The following SH3TC1 variants were observed in gnomAD, a reference collection of about 807,000 sequenced individuals.
SH3TC1 encodes SH3 domain and tetratricopeptide repeats 1.
Under a neutral mutation model 117.3 loss-of-function variants are expected in SH3TC1, and 135 were observed. That is an observed-to-expected ratio of 1.15 (90% CI 1.00 to 1.33). SH3TC1 has a LOEUF of 1.33. SH3TC1 is among the 40% of genes most tolerant of loss of function. The probability of loss-of-function intolerance (pLI) is 0.00; values close to 1 mark genes in which losing one functional copy is unlikely to be tolerated. For missense variants in SH3TC1, 2,092 were observed against 1,794.3 expected (o/e 1.17, Z -3.00); for synonymous variants, 898 against 816.9 (o/e 1.10, Z -1.69).
At chr4:8,215,666 G>T (rs981354120) in intron 5 of SH3TC1, among the ~76,000 whole-genome samples, 174 of 152,308 alleles carry the variant, frequency 1.1e-3, no homozygotes, top group African/African-American at 4.1e-3. Flanking sequence ...AGACGAGAGG[G>T]GGGAGCTCGC....
upstream of SH3TC1, among the ~76,000 whole-genome samples, chr4:8,199,023 T>C (rs1717663071): frequency 6.6e-6 from 1 of 152,190 alleles, no homozygotes; most frequent in Admixed American, 6.5e-5. Flanking sequence ...CGGTGGCTGG[T>C]GGACTTCCCC....
intron 2 of SH3TC1, among the ~76,000 whole-genome samples, chr4:8,207,666 T>A (rs147362256): frequency 3.0e-3 from 464 of 152,370 alleles, no homozygotes; most frequent in African/African-American, 0.011. Context: ...ATCTCCATAC[T>A]ATATACATCA....
At chr4:8,230,670 G>T (rs1028539569) in intron 12 of SH3TC1, among the ~76,000 whole-genome samples, 3 of 151,920 alleles carry the variant, frequency 2.0e-5, no homozygotes, top group Non-Finnish European at 2.9e-5. Flanking sequence ...AAGGTGGAAG[G>T]TTGGGTTTTT....
At chr4:8,226,600 A>T (rs1720478229) in intron 11 of SH3TC1, among the ~76,000 whole-genome samples, 1 of 152,216 alleles carries the variant, frequency 6.6e-6, no homozygotes, top group Non-Finnish European at 1.5e-5. Flanking sequence ...AGTGCTGCGT[A>T]CACTTGGGTG....
intron 2 of SH3TC1, among the ~76,000 whole-genome samples, chr4:8,207,110 A>G (rs1342147539): frequency 1.3e-5 from 2 of 149,830 alleles, no homozygotes; most frequent in African/African-American, 2.5e-5. Flanking sequence ...CCTGGGTCAC[A>G]CCTTGTGTTC....
intron 17 of SH3TC1, among the ~76,000 whole-genome samples, chr4:8,240,309 A>T (rs1722215589): frequency 6.6e-6 from 1 of 152,220 alleles, no homozygotes; most frequent in Non-Finnish European, 1.5e-5. Flanking sequence ...AATGGTCAGC[A>T]TGGACAGGGG....
Position 8,183,478 on chromosome 4 carries a change from A to T in SH3TC1, c.-57+1268A>T, listed in dbSNP as rs1717138904. On this transcript the variant is annotated intron_variant, in intron 1 of 16. Coordinates refer to the SH3TC1 transcript ENST00000508641. This position sits in a 1 kb window ranked among gnomAD's most constrained non-coding sequence, Gnocchi z 5.4. ...CCCGGGCTGGCCTGAGGCCCATGGC[A>T]AGCAGCCCCACCCAAGCAGGCGGCT... is the stretch of plus-strand genomic sequence containing the variant. Among the ~76,000 whole-genome samples, 1 of 152,208 alleles carries T rather than the reference A, an allele frequency of 6.6e-6. No homozygotes were observed. Among genetic ancestry groups the T allele is most frequent in the African/African-American group, 2.4e-5 (1 of 41,458 alleles).
chr4:8,236,717 G>C, intron 16 of SH3TC1: 1 of 374,612 alleles, frequency 2.7e-6, no homozygotes, highest in Non-Finnish European at 4.8e-6. Context: ...CAGACATCTC[G>C]TTGGTCCCTG....
upstream of SH3TC1, among the ~76,000 whole-genome samples, chr4:8,197,732 A>G (rs1717607036): frequency 2.0e-5 from 3 of 149,286 alleles, no homozygotes; most frequent in Admixed American, 2.0e-4. Flanking sequence ...AGCGAGGGGC[A>G]TGCCTAGGGC....
chr4:8,191,536 A>G (rs1354334807), intron 1 of SH3TC1, among the ~76,000 whole-genome samples: 1 of 152,172 alleles, frequency 6.6e-6, no homozygotes, highest in African/African-American at 2.4e-5. Context: ...GCCAGAAATA[A>G]CACATGGTGT....
chr4:8,197,163 G>A (rs1717579438), upstream of SH3TC1, among the ~76,000 whole-genome samples: 2 of 152,168 alleles, frequency 1.3e-5, no homozygotes, highest in African/African-American at 4.8e-5. Context: ...AGGCTGGGTG[G>A]AGACAAGGGC....
chr4:8,216,162 T>C lies in SH3TC1; in HGVS notation c.533T>C (p.Leu178Pro). Residue 178 changes from leucine to proline, a missense_variant, in exon 6 of 18, where the codon CTG becomes CCG. Transcript: ENST00000245105. ...CTGCTCATGGACCAGGCCTTCTGGC[T>C]GCTCTTGCCCAGTGAGGAGGAGGAG... The part of the protein sequence containing the change: ...ANLLMDQAFW[L>P]LLPSEEEETA... The C allele has an allele frequency of 6.2e-7, 1 of 1,613,844 alleles. No individual in the cohort carries two copies. Among genetic ancestry groups the C allele is most frequent in the Non-Finnish European group, 8.5e-7 (1 of 1,180,030 alleles).
chr4:8,236,306 C>A lies in SH3TC1; in HGVS notation c.3434C>A (p.Thr1145Lys), dbSNP rs369698532. 3.2e-6 allele frequency: 5 copies of A among 1,555,812 alleles called. No homozygotes were observed. The East Asian group carries it at 1.2e-4, about 37-fold the overall frequency. The change falls in exon 16 of 18, where the codon ACG becomes AAG. Residue 1145 changes from threonine (T) to lysine (K), a missense_variant. Transcript: ENST00000245105. ...CGGGCCCTGCCCCTGGCAGTGACTA[C>A]GGGCAACCGCAAGGCGGAGCTGCGG... ...RDRALPLAVT[T>K]GNRKAELRLC...
intron 12 of SH3TC1, chr4:8,229,322 A>T (rs1199000790): frequency 4.0e-5 from 6 of 150,042 alleles, no homozygotes; most frequent in African/African-American, 1.5e-4. Context: ...GTCTGGGGCC[A>T]GAGGGTTGAG....
chr4:8,204,763 CCTT>C (rs1317392821), intron 1 of SH3TC1: 1 of 157,818 alleles, frequency 6.3e-6, no homozygotes, highest in Non-Finnish European at 1.4e-5. Context: ...TCGAATGTGT[CCTT>C]CTGTGTCTTC....
In SH3TC1 at chr4:8,228,322, G is replaced by C. The variant is rs145120083; in HGVS notation, c.2628G>C (p.Thr876=). 4 of 1,612,036 alleles carry C rather than the reference G, an allele frequency of 2.5e-6. No homozygotes were observed. Among genetic ancestry groups the C allele is most frequent in the East Asian group, 4.5e-5 (2 of 44,884 alleles). The change falls in exon 12 of 18, where the codon ACG becomes ACC. Residue 876 remains threonine (T), a synonymous_variant. Coordinates refer to ENST00000245105, the MANE Select transcript of SH3TC1 (RefSeq NM_018986.5). ...ANMVAVALKR[T]GRTRQAAESY... The stretch of plus-strand genomic sequence containing the variant: ...TGGTGGCCGTGGCTCTGAAGAGGAC[G>C]GGCCGGACGAGGCAGGCAGCTGAGA...
Position 8,183,992 on chromosome 4 carries a change from C to T in SH3TC1, c.-57+1782C>T, listed in dbSNP as rs562564738. The stretch of plus-strand genomic sequence containing the variant: ...GTCTCGAACTCCTGACCTCATGATC[C>T]GCCCACCTCAGCCTCCCAAAGTGCT... On this transcript the variant is annotated intron_variant, in intron 1 of 16. Coordinates refer to the SH3TC1 transcript ENST00000508641. This position sits in a 1 kb window ranked among gnomAD's most constrained non-coding sequence, Gnocchi z 5.4. Among the ~76,000 whole-genome samples the T allele has an allele frequency of 3.5e-4, 53 of 152,216 alleles. No homozygotes were observed. Among genetic ancestry groups the T allele is most frequent in the African/African-American group, 1.2e-3 (50 of 41,522 alleles).
At chr4:8,191,670 C>G (rs958606081) in intron 1 of SH3TC1, among the ~76,000 whole-genome samples, 1 of 152,156 alleles carries the variant, frequency 6.6e-6, no homozygotes, top group East Asian at 1.9e-4. Flanking sequence ...CGGATACACC[C>G]GTCCTCAAAC....
chr4:8,223,579 G>T (rs1380467784), intron 10 of SH3TC1, among the ~76,000 whole-genome samples: 1 of 152,130 alleles, frequency 6.6e-6, no homozygotes, highest in Non-Finnish European at 1.5e-5. Context: ...CATGGCAGAG[G>T]CCGTGCTATC....
Sources: allele counts gnomAD v4.1 joint callset (sites outside exome capture counted in the v4.1 genomes callset), GRCh38; gene constraint gnomAD v4.1.1; non-coding constraint Gnocchi (gnomAD v3.1); transcripts MANE v1.5; gene names NCBI Gene and HGNC (gene_info 2026-07-23, HGNC 2026-07-21).